Variants in ZAP70 observed in about 807,000 individuals in gnomAD.
ZAP70 encodes the protein tyrosine-protein kinase ZAP-70.
Under a neutral mutation model 65.8 loss-of-function variants are expected in ZAP70, and 27 were observed. That is an observed-to-expected ratio of 0.41 (90% CI 0.30 to 0.57). ZAP70 has a LOEUF of 0.57. Among genes scored for constraint, ZAP70 ranks in the 20% least tolerant of loss-of-function variants. The probability of loss-of-function intolerance (pLI) is 0.28; values close to 1 mark genes in which losing one functional copy is unlikely to be tolerated. For missense variants in ZAP70, 696 were observed against 870.5 expected (o/e 0.80, Z 2.52); for synonymous variants, 363 against 360.8 (o/e 1.01, Z -0.07).
chr2:97,732,088 C>T (rs948205524), intron 4 of ZAP70, among the ~76,000 whole-genome samples: 2 of 152,068 alleles, frequency 1.3e-5, no homozygotes, highest in African/African-American at 4.8e-5. Context: ...GTACTCAGGG[C>T]TGGAGCGGAT....
chr2:97,734,366 T>C, intron 8 of ZAP70, 154 bp from the exon 9 acceptor site: 1 of 1,439,276 alleles, frequency 6.9e-7, no homozygotes. Context: ...AGTGTGTGCG[T>C]GTGGATGTGC....
chr2:97,730,702 T>A (rs1209836164), intron 4 of ZAP70, among the ~76,000 whole-genome samples: 1 of 152,184 alleles, frequency 6.6e-6, no homozygotes, highest in Non-Finnish European at 1.5e-5. Context: ...TTTCCCCCAG[T>A]ATTCCACATG....
chr2:97,734,176 G>A, intron 8 of ZAP70: 1 of 373,472 alleles, frequency 2.7e-6, no homozygotes, highest in Non-Finnish European at 4.8e-6. Flanking sequence ...AAATGTGGCT[G>A]TGTGCTGCAT....
In ZAP70 at chr2:97,734,780, G is replaced by A. The variant is rs1677780733; in HGVS notation, c.1082+68G>A. 10 of 1,589,012 alleles carry A rather than the reference G, an allele frequency of 6.3e-6. No individual in the cohort carries two copies. The South Asian group carries it at 7.7e-5, about 12-fold the overall frequency. ...CAGAGGGGAGTGGCTTCACCGGGCT[G>A]TGGGACGGGAGCCGGGATGTCTGTC... On this transcript the variant is annotated intron_variant, in intron 9 of 13. Coordinates refer to ENST00000264972, the MANE Select transcript of ZAP70 (RefSeq NM_001079.4).
intron 2 of ZAP70, among the ~76,000 whole-genome samples, chr2:97,723,119 A>G (rs768333027): frequency 2.6e-5 from 4 of 152,238 alleles, no homozygotes; most frequent in Non-Finnish European, 4.4e-5. Flanking sequence ...ATCTGTCTAA[A>G]TAGCCTTAAT....
intron 2 of ZAP70, among the ~76,000 whole-genome samples, chr2:97,718,390 T>C (rs565699479): frequency 6.6e-6 from 1 of 152,314 alleles, no homozygotes; most frequent in Admixed American, 6.5e-5. Context: ...CTGCCACCTC[T>C]GCCCACCTTC....
chr2:97,724,832 C>T (rs1677314397), intron 3 of ZAP70: 1 of 1,518,488 alleles, frequency 6.6e-7, no homozygotes, highest in Non-Finnish European at 8.8e-7. Flanking sequence ...AGTGACACCA[C>T]CATGCACAAC....
chr2:97,725,521 G>A (rs184784665), intron 4 of ZAP70, among the ~76,000 whole-genome samples: 142 of 152,322 alleles, frequency 9.3e-4, no homozygotes, highest in Non-Finnish European at 1.5e-3. Context: ...GGCAAGTAGC[G>A]GACTGTGGTT....
At chr2:97,750,231 G>A in the ZAP70 span, among the ~76,000 whole-genome samples, 3 of 152,362 alleles carry the variant, frequency 2.0e-5, no homozygotes, top group South Asian at 6.2e-4. Flanking sequence ...CAGTGCAGCA[G>A]CAACGCACCG....
At position 97,733,201 on chromosome 2, in the gene ZAP70, G is replaced by T. The variant is rs769148384; in HGVS notation, c.779G>T (p.Ser260Ile). 11 of 1,613,484 alleles carry T rather than the reference G, an allele frequency of 6.8e-6. No homozygotes were observed. In the African/African-American group the frequency reaches 1.1e-4, roughly 16 times the overall value. ...LKEACPNSSA[S>I]NASGAAAPTL... ...GAGGCCTGCCCCAACAGCAGTGCCA[G>T]CAACGCCTCAGGTGACGGCAGCAGG... Residue 260 changes from serine to isoleucine, a missense_variant, in exon 6 of 14, where the codon AGC becomes ATC. By Grantham distance (142) the Ser-to-Ile change is moderately radical. Around this residue, in one of 3 missense-constraint regions of ZAP70, gnomAD observed 551 missense variants for 630.0 expected, o/e 0.87. Transcript: ENST00000264972.
intron 4 of ZAP70, among the ~76,000 whole-genome samples, chr2:97,727,350 C>G (rs1474760214): frequency 6.6e-6 from 1 of 152,238 alleles, no homozygotes; most frequent in Non-Finnish European, 1.5e-5. Flanking sequence ...GGCTGTCTCT[C>G]TTTCCTTTTG....
Position 97,715,634 on chromosome 2 carries a change from T to C in ZAP70, c.-22+1640T>C, listed in dbSNP as rs1467108913. Among the ~76,000 whole-genome samples, 1 of 152,114 alleles carries C rather than the reference T, an allele frequency of 6.6e-6. No individual in the cohort carries two copies. Among genetic ancestry groups the C allele is most frequent in the East Asian group, 1.9e-4 (1 of 5,192 alleles). ...GCTCTCCAGGGTCTCCTAATAGACATTTGCTGGAGTGGTTAGTGCTGGCTG... is the reference window on the plus strand; with the variant it reads ...GCTCTCCAGGGTCTCCTAATAGACACTTGCTGGAGTGGTTAGTGCTGGCTG... On this transcript the variant is annotated intron_variant, in intron 2 of 13. Coordinates refer to ENST00000264972, the MANE Select transcript of ZAP70 (RefSeq NM_001079.4). The surrounding 1 kb of genome is among the most constrained non-coding windows in gnomAD (Gnocchi z 4.1).
the ZAP70 span, among the ~76,000 whole-genome samples, chr2:97,746,474 T>G: frequency 9.2e-5 from 14 of 152,356 alleles, no homozygotes; most frequent in South Asian, 2.7e-3. Flanking sequence ...CCACAATTTA[T>G]AGACCTGTGT....
chr2:97,750,038 A>G, the ZAP70 span, among the ~76,000 whole-genome samples: 1 of 152,218 alleles, frequency 6.6e-6, no homozygotes. Context: ...ATTTGGCCTC[A>G]TGTTTCACAC....
Position 97,725,136 on chromosome 2 carries a change from G to A in ZAP70, c.447G>A (p.Val149=), listed in dbSNP as rs61735392. The A allele has an allele frequency of 7.1e-4, 1,145 of 1,614,150 alleles. 4 individuals are homozygous for A. The African/African-American group carries it at 0.013, about 18-fold the overall frequency. ...CCATCATCAGCCAGGCCCCGCAGGT[G>A]GAGAAGCTCATTGCTACGACGGCCC... ...EQAIISQAPQ[V]EKLIATTAHE... is the part of the protein sequence containing the mutation. The change falls in exon 4 of 14, where the codon GTG becomes GTA. Residue 149 remains valine, a synonymous_variant. Coordinates refer to ENST00000264972, the MANE Select transcript of ZAP70 (RefSeq NM_001079.4).
intron 2 of ZAP70, among the ~76,000 whole-genome samples, chr2:97,717,595 T>C (rs1465252771): frequency 6.6e-6 from 1 of 152,204 alleles, no homozygotes; most frequent in African/African-American, 2.4e-5. Context: ...ACGATGGGCA[T>C]GTAATGGGGG....
intron 2 of ZAP70, among the ~76,000 whole-genome samples, chr2:97,717,343 G>A (rs1242285761): frequency 1.3e-5 from 2 of 151,822 alleles, no homozygotes; most frequent in Non-Finnish European, 2.9e-5. Flanking sequence ...CTCTGGCTGG[G>A]GGGACATGCG....
At chr2:97,735,601 C>CACCCAT (rs987327341) in intron 10 of ZAP70, 145 bp downstream of exon 10, 7 of 919,200 alleles carry the variant, frequency 7.6e-6, no homozygotes, top group Non-Finnish European at 1.1e-5. Context: ...TGCACACCCA[C>CACCCAT]ACCCATACCC....
intron 4 of ZAP70, 149 bp downstream of exon 4, chr2:97,725,401 A>G: frequency 1.0e-6 from 1 of 1,000,668 alleles, no homozygotes; most frequent in Admixed American, 2.3e-5. Flanking sequence ...CTGATGTGCA[A>G]AGGGACTTGC....
Sources: allele counts gnomAD v4.1 joint callset (sites outside exome capture counted in the v4.1 genomes callset), GRCh38; gene constraint gnomAD v4.1.1; regional missense constraint gnomAD v4.1.1; non-coding constraint Gnocchi (gnomAD v3.1); transcripts MANE v1.5; gene names NCBI Gene and HGNC (gene_info 2026-07-23, HGNC 2026-07-21).